CAMSAP3: variants seen among roughly 807,000 people sequenced by gnomAD.
The protein encoded by CAMSAP3 is calmodulin regulated spectrin associated protein family member 3.
In CAMSAP3, 34 loss-of-function variants were observed where a neutral mutation model predicts 112.5. The observed-to-expected ratio is 0.30, with a 90% CI of 0.23 to 0.40. The LOEUF (loss-of-function observed/expected upper bound fraction) is 0.40. CAMSAP3 is among the 10% of genes least tolerant of loss of function. CAMSAP3 has a pLI of 1.00. For missense variants in CAMSAP3, 1,602 were observed against 1,770.3 expected (o/e 0.90, Z 1.71); for synonymous variants, 868 against 799.8 (o/e 1.09, Z -1.44).
chr19:7,599,192 T>G (rs893762540), intron 1 of CAMSAP3, among the ~76,000 whole-genome samples: 2 of 151,332 alleles, frequency 1.3e-5, no homozygotes, highest in African/African-American at 4.9e-5. Flanking sequence ...CATCCATCCA[T>G]CCACCCATCC....
Position 7,596,164 on chromosome 19 carries a change from GGGGACC to G in CAMSAP3, c.148+18_148+23del. On this transcript the variant is annotated intron_variant, in intron 1 of 16. Transcript: ENST00000160298. ...TCGGGGGCGCAGGTACCGGGGCTCG[GGGGACC>G]GGGGTCGGGGGCGGCGGGCCGGGCG... 1 of 1,011,996 alleles carries G rather than the reference GGGGACC, an allele frequency of 9.9e-7. No homozygotes were observed. Among genetic ancestry groups the G allele is most frequent in the Non-Finnish European group, 1.2e-6 (1 of 834,682 alleles). 62.7% of individuals were successfully genotyped at this position (1,011,996 alleles called of 1,614,324 possible).
At chr19:7,602,613 C>T (rs1400505731) in intron 1 of CAMSAP3, among the ~76,000 whole-genome samples, 2 of 151,620 alleles carry the variant, frequency 1.3e-5, no homozygotes, top group Non-Finnish European at 2.9e-5. Flanking sequence ...GCCTTGGGGG[C>T]AGGGAGGAGG....
intron 4 of CAMSAP3, 53 bp from the exon 5 acceptor site, chr19:7,608,073 G>A (rs1729047743): frequency 7.6e-6 from 12 of 1,585,098 alleles, no homozygotes; most frequent in Middle Eastern, 3.5e-4. Context: ...CTGCATGACC[G>A]CTGACCCTGG....
rs534058448 is a variant in CAMSAP3 at position 7,596,163 on chromosome 19, G to A, written c.148+13G>A. 2 of 1,012,260 alleles carry A rather than the reference G, an allele frequency of 2.0e-6. No homozygotes were observed. The highest frequency in any genetic ancestry group is 1.8e-5 in the African/African-American group (1 of 56,684). 62.7% of individuals were successfully genotyped at this position (1,012,260 alleles called of 1,614,324 possible). On this transcript the variant is annotated intron_variant, in intron 1 of 16. Transcript: ENST00000160298. ...TTCGGGGGCGCAGGTACCGGGGCTC[G>A]GGGGACCGGGGTCGGGGGCGGCGGG...
chr19:7,613,120 C>T lies in CAMSAP3; in HGVS notation c.2627C>T (p.Ser876Phe), dbSNP rs2030598529. ...GAEDSLEEEA[S>F]SEGEPRVGLG... is the part of the protein sequence containing the mutation. ...GAGGATTCCTTGGAGGAGGAGGCGT[C>T]TTCGGAGGGGGAGCCCCGGGTGGGG... Residue 876 changes from serine to phenylalanine, a missense_variant, in exon 11 of 17, where the codon TCT becomes TTT. Ser to Phe is a radical substitution (Grantham distance 155). This residue lies in a region of CAMSAP3 where 1,100 missense variants were observed against 1,135.7 expected (regional missense o/e 0.97). Coordinates refer to ENST00000160298, the MANE Select transcript of CAMSAP3 (RefSeq NM_020902.2). 2 of 1,541,026 alleles carry T rather than the reference C, an allele frequency of 1.3e-6. No individual in the cohort carries two copies. Among genetic ancestry groups the T allele is most frequent in the Middle Eastern group, 4.6e-4 (2 of 4,356 alleles).
rs1178493495 is a variant in CAMSAP3, at chr19:7,615,603, G to T, written c.2996G>T (p.Arg999Leu). 3.4e-6 allele frequency: 5 copies of T among 1,470,446 alleles called. No individual in the cohort carries two copies. The Admixed American group carries it at 1.2e-4, about 36-fold the overall frequency. The allele number at this position is 1,470,446 out of a possible 1,614,324, so 91.1% of individuals were successfully genotyped here. Reference protein sequence around the residue: ...KLMDDLDKVLRPRAAGSGGPG... With the variant: ...KLMDDLDKVLLPRAAGSGGPG... ...ATGGACGACCTCGATAAGGTGCTGC[G>T]GCCCCGGGCTGCGGGGTCCGGGGGT... Residue 999 changes from arginine to leucine, a missense_variant, in exon 13 of 17, where the codon CGG becomes CTG. Coordinates refer to ENST00000160298, the MANE Select transcript of CAMSAP3 (RefSeq NM_020902.2). This position sits in a 1 kb window ranked among gnomAD's most constrained non-coding sequence, Gnocchi z 6.5.
Position 7,612,308 on chromosome 19 carries a change from C to T in CAMSAP3, c.1815C>T (p.Ala605=), listed in dbSNP as rs766113336. ...ALSSEMSELS[A]RLEEKRRAIE... is the part of the protein sequence containing the mutation. ...GCTCGGAGATGAGTGAGCTCAGCGC[C>T]CGGCTGGAGGAGAAACGCAGAGCCA... is the stretch of plus-strand genomic sequence containing the variant. Residue 605 remains alanine, a synonymous_variant, in exon 11 of 17, where the codon GCC becomes GCT. Coordinates refer to ENST00000160298, the MANE Select transcript of CAMSAP3 (RefSeq NM_020902.2). The T allele has an allele frequency of 6.2e-7, 1 of 1,605,136 alleles. No homozygotes were observed. The highest frequency in any genetic ancestry group is 1.1e-5 in the South Asian group (1 of 90,260).
chr19:7,607,788 C>A lies in CAMSAP3; in HGVS notation c.622-338C>A. The A allele has an allele frequency of 1.1e-6, 1 of 917,326 alleles. No homozygotes were observed. The highest frequency in any genetic ancestry group is 1.6e-6 in the Non-Finnish European group (1 of 608,804). 56.8% of individuals were successfully genotyped at this position (917,326 alleles called of 1,614,324 possible). A position where few individuals can be genotyped will look rare whatever the true frequency, so the allele number is the denominator to read the frequency against. ...GGGGGCCCAGCAGGTCAGCACCCCT[C>A]CCCCTTGCTGATGGCTGCTCCTCTC... On this transcript the variant is annotated intron_variant, in intron 4 of 16. Coordinates refer to ENST00000160298, the MANE Select transcript of CAMSAP3 (RefSeq NM_020902.2). The surrounding 1 kb of genome is among the most constrained non-coding windows in gnomAD (Gnocchi z 4.9).
At position 7,607,878 on chromosome 19, in the gene CAMSAP3, C is replaced by A; in HGVS notation, c.622-248C>A. 1 of 1,130,242 alleles carries A rather than the reference C, an allele frequency of 8.8e-7. No individual in the cohort carries two copies. Among genetic ancestry groups the A allele is most frequent in the Non-Finnish European group, 1.3e-6 (1 of 778,814 alleles). The allele number at this position is 1,130,242 out of a possible 1,614,324, so 70.0% of individuals were successfully genotyped here. Reference sequence around the variant, plus strand: ...GAGCAAACCCCCCATGGTAATGTATCCCCCGCCCCGGGGTCCCAGGAGTCC... The same window carrying A: ...GAGCAAACCCCCCATGGTAATGTATACCCCGCCCCGGGGTCCCAGGAGTCC... On this transcript the variant is annotated intron_variant, in intron 4 of 16. Transcript: ENST00000160298. This position sits in a 1 kb window ranked among gnomAD's most constrained non-coding sequence, Gnocchi z 4.9.
At chr19:7,606,686 CTCTT>C (rs1448437363) in intron 4 of CAMSAP3, 115 bp downstream of exon 4, 5 of 1,580,386 alleles carry the variant, frequency 3.2e-6, no homozygotes, top group East Asian at 2.2e-5. Context: ...GACACACTCT[CTCTT>C]TCTTCCCCCC....
In CAMSAP3 at chr19:7,616,581, C is replaced by T. The variant is rs985925074; in HGVS notation, c.3171C>T (p.Asn1057=). ...QSTLSLSTVA[N]EAHNNLGVKR... ...CCCTGTCACTGTCCACTGTGGCCAA[C>T]GAGGCCCACAATAACCTCGGGGTGA... The change falls in exon 14 of 17, where the codon AAC becomes AAT. Residue 1057 remains asparagine, a synonymous_variant. Transcript: ENST00000160298. 1.9e-6 allele frequency: 3 copies of T among 1,612,046 alleles called. No individual in the cohort carries two copies. Among genetic ancestry groups the T allele is most frequent in the South Asian group, 1.1e-5 (1 of 91,080 alleles).
At chr19:7,609,753 G>T (rs2030379826) in intron 5 of CAMSAP3, among the ~76,000 whole-genome samples, 1 of 152,176 alleles carries the variant, frequency 6.6e-6, no homozygotes, top group African/African-American at 2.4e-5. Flanking sequence ...CCAGCTGGGG[G>T]TGATGAGAGA....
intron 11 of CAMSAP3, chr19:7,614,882 G>C: frequency 2.0e-6 from 1 of 511,458 alleles, no homozygotes; most frequent in East Asian, 3.5e-5. Flanking sequence ...GGGTCCTCCC[G>C]CAGTGTAGAG....
At chr19:7,614,932 T>G (rs2030699085) in intron 11 of CAMSAP3, 1 of 582,550 alleles carries the variant, frequency 1.7e-6, no homozygotes, top group Admixed American at 3.0e-5. Context: ...CACTCACTGC[T>G]GTCTGCTGCT....
At chr19:7,616,799 A>G (rs981825958) in intron 14 of CAMSAP3, among the ~76,000 whole-genome samples, 177 bp downstream of exon 14, 4 of 152,060 alleles carry the variant, frequency 2.6e-5, no homozygotes, top group East Asian at 1.9e-4. Flanking sequence ...TGTACCTGGC[A>G]GACAGGACTC....
At chr19:7,604,287 T>C (rs1266081675) in intron 1 of CAMSAP3, among the ~76,000 whole-genome samples, 1 of 152,092 alleles carries the variant, frequency 6.6e-6, no homozygotes, top group Non-Finnish European at 1.5e-5. Context: ...CAGCCCACTG[T>C]CCACCTGGGG....
In CAMSAP3 at chr19:7,595,883, G is replaced by C. The variant is rs1388638558; in HGVS notation, c.-120G>C. 1 of 352,092 alleles carries C rather than the reference G, an allele frequency of 2.8e-6. No homozygotes were observed. The highest frequency in any genetic ancestry group is 4.0e-6 in the Non-Finnish European group (1 of 253,106). 21.8% of individuals were successfully genotyped at this position (352,092 alleles called of 1,614,324 possible). A position where few individuals can be genotyped will look rare whatever the true frequency, so the allele number is the denominator to read the frequency against. ...CGGCCGCACCTGGCTCAGCAGCGGC[G>C]GCGGCGGCGGCGGCGGCAGCGGCGG... On this transcript the variant is annotated 5_prime_UTR_variant, in exon 1 of 17. Transcript: ENST00000160298.
chr19:7,603,873 G>A (rs2030079413), intron 1 of CAMSAP3, among the ~76,000 whole-genome samples: 2 of 151,638 alleles, frequency 1.3e-5, no homozygotes, highest in African/African-American at 2.4e-5. Flanking sequence ...GGTGGCTCAC[G>A]CCTGTAATCC....
chr19:7,605,767 C>T (rs968466218), intron 2 of CAMSAP3, among the ~76,000 whole-genome samples: 2 of 151,472 alleles, frequency 1.3e-5, no homozygotes, highest in African/African-American at 2.4e-5. Flanking sequence ...AGTCTTGGCT[C>T]CTTCCCTTAA....
Sources: gnomAD v4.1 joint callset for allele counts (sites outside exome capture counted in the v4.1 genomes callset) on GRCh38, gnomAD v4.1.1 for gene constraint, gnomAD v4.1.1 regional missense constraint, Gnocchi (gnomAD v3.1) non-coding constraint, MANE v1.5 for transcripts, NCBI Gene and HGNC (gene_info 2026-07-23, HGNC 2026-07-21) for gene names.